Variants in CNTNAP2 observed in about 807,000 individuals in gnomAD.
CNTNAP2 encodes contactin-associated protein-like 2.
Under a neutral mutation model 155.2 loss-of-function variants are expected in CNTNAP2, and 98 were observed. The observed-to-expected ratio is 0.63, with a 90% CI of 0.54 to 0.75. The LOEUF (loss-of-function observed/expected upper bound fraction) is 0.75. CNTNAP2 is among the 30% of genes least tolerant of loss of function. The pLI is 0.00. For missense variants in CNTNAP2, 1,727 were observed against 1,688.1 expected (o/e 1.02, Z -0.40); for synonymous variants, 651 against 631.2 (o/e 1.03, Z -0.47).
intron 1 of CNTNAP2, among the ~76,000 whole-genome samples, chr7:146,750,055 T>C (rs1248490695): frequency 6.6e-6 from 1 of 152,138 alleles, no homozygotes; most frequent in Non-Finnish European, 1.5e-5. Context: ...GTGGTTATCC[T>C]CATAAATTAG....
rs112120379 is a variant in CNTNAP2 at position 147,242,673 on chromosome 7, T to C, written c.1349-57468T>C. ...CAAATATAAACTTTAAATTCTTCCA[T>C]TTATTATTTCTTCTTTGACTCGCAA... On this transcript the variant is annotated intron_variant, in intron 8 of 23. Transcript: ENST00000361727. 1.2e-4 allele frequency among the ~76,000 whole-genome samples: 19 copies of C among 152,272 alleles called. 1 individual carries two copies. Among genetic ancestry groups the C allele is most frequent in the African/African-American group, 4.3e-4 (18 of 41,562 alleles).
At chr7:146,144,696 T>C (rs2116763325) in intron 1 of CNTNAP2, among the ~76,000 whole-genome samples, 1 of 152,340 alleles carries the variant, frequency 6.6e-6, no homozygotes, top group Non-Finnish European at 1.5e-5. Context: ...TAATTTGGTA[T>C]AAAAGAAACA....
rs148754723 is a variant in CNTNAP2, at chr7:147,541,790, C to T, written c.1778-20348C>T. Among the ~76,000 whole-genome samples the T allele has an allele frequency of 3.8e-3, 579 of 152,146 alleles. 3 individuals carry two copies. Among genetic ancestry groups the T allele is most frequent in the African/African-American group, 0.013 (538 of 41,510 alleles). On this transcript the variant is annotated intron_variant, in intron 11 of 23. Transcript: ENST00000361727. ...ATGATTAAAATGAGTTTGATCTTTC[C>T]GTGTTCACTAAGGGAAAAGAAATGG...
At chr7:148,107,515 T>C (rs1804248725) in intron 15 of CNTNAP2, among the ~76,000 whole-genome samples, 1 of 152,198 alleles carries the variant, frequency 6.6e-6, no homozygotes, top group Non-Finnish European at 1.5e-5. Flanking sequence ...TATTAATAAC[T>C]TGCAGCCCTT....
chr7:147,173,597 C>T (rs1186506185), intron 8 of CNTNAP2, among the ~76,000 whole-genome samples: 1 of 152,160 alleles, frequency 6.6e-6, no homozygotes, highest in African/African-American at 2.4e-5. Context: ...TGTATTTCGT[C>T]TACTGACCCC....
intron 2 of CNTNAP2, among the ~76,000 whole-genome samples, chr7:146,834,315 A>T (rs569931970): frequency 6.6e-6 from 1 of 152,350 alleles, no homozygotes; most frequent in South Asian, 2.1e-4. Context: ...TTCTTCAATT[A>T]TTCAGATTCT....
rs35250478 is a variant in CNTNAP2 at position 146,728,611 on chromosome 7, CAAA to C, written c.98-45648_98-45646del. Among the ~76,000 whole-genome samples, 131 of 115,204 alleles carry C rather than the reference CAAA, an allele frequency of 1.1e-3. 2 individuals are homozygous for C. Among genetic ancestry groups the C allele is most frequent in the African/African-American group, 3.1e-3 (116 of 37,368 alleles). 75.6% of individuals were successfully genotyped at this position (115,204 alleles called of 152,430 possible). ...TTTAATATACACAATTTTTAGGCTG[CAAA>C]AAAAAAAAAAACGAAACAACAGCCT... On this transcript the variant is annotated intron_variant, in intron 1 of 23. Transcript: ENST00000361727.
At chr7:146,695,990 G>T (rs940449514) in intron 1 of CNTNAP2, among the ~76,000 whole-genome samples, 1 of 152,108 alleles carries the variant, frequency 6.6e-6, no homozygotes, top group Non-Finnish European at 1.5e-5. Context: ...AGAGATATTA[G>T]TAATTTTCAT....
At chr7:146,784,046 A>G (rs1042740925) in intron 2 of CNTNAP2, among the ~76,000 whole-genome samples, 3 of 152,208 alleles carry the variant, frequency 2.0e-5, no homozygotes, top group Admixed American at 6.5e-5. Context: ...TTCTTTGATA[A>G]TAAGTCTAGT....
At chr7:147,339,724 C>A (rs1304791120) in intron 9 of CNTNAP2, among the ~76,000 whole-genome samples, 1 of 152,032 alleles carries the variant, frequency 6.6e-6, no homozygotes, top group Non-Finnish European at 1.5e-5. Flanking sequence ...TAATAATAAT[C>A]ATTTAATGGG....
intron 12 of CNTNAP2, among the ~76,000 whole-genome samples, chr7:147,609,135 G>A (rs1584852277): frequency 6.6e-6 from 1 of 152,250 alleles, no homozygotes; most frequent in Non-Finnish European, 1.5e-5. Flanking sequence ...AGACTAATGG[G>A]CACTGTTCTG....
chr7:146,677,175 G>A (rs79452805), intron 1 of CNTNAP2, among the ~76,000 whole-genome samples: 1,632 of 152,294 alleles, frequency 0.011, 22 homozygotes, highest in African/African-American at 0.034. Flanking sequence ...CATGTTATAC[G>A]TGGAACTGGA....
chr7:147,565,067 AG>A (rs1297798628), intron 12 of CNTNAP2, among the ~76,000 whole-genome samples: 4 of 152,184 alleles, frequency 2.6e-5, no homozygotes, highest in African/African-American at 9.7e-5. Context: ...AAGAGGAGGG[AG>A]TAACAGCATG....
chr7:146,793,455 C>T (rs1321239720), intron 2 of CNTNAP2, among the ~76,000 whole-genome samples: 1 of 152,190 alleles, frequency 6.6e-6, no homozygotes, highest in African/African-American at 2.4e-5. Context: ...AGGGTGTAAT[C>T]ATATGCAGTG....
chr7:147,373,884 T>C (rs1048314613), intron 9 of CNTNAP2, among the ~76,000 whole-genome samples: 15 of 152,040 alleles, frequency 9.9e-5, no homozygotes, highest in African/African-American at 3.6e-4. Flanking sequence ...ACATTGGAGA[T>C]GGAATAAAAA....
At chr7:146,987,808 C>A (rs893376308) in intron 3 of CNTNAP2, among the ~76,000 whole-genome samples, 1 of 152,074 alleles carries the variant, frequency 6.6e-6, no homozygotes, top group Non-Finnish European at 1.5e-5. Flanking sequence ...TACTTAAACT[C>A]TTTCGGTCTC....
intron 1 of CNTNAP2, among the ~76,000 whole-genome samples, chr7:146,149,754 G>A (rs1206282510): frequency 6.6e-6 from 1 of 151,700 alleles, no homozygotes; most frequent in African/African-American, 2.4e-5. Context: ...AATTATAGAT[G>A]GCACATAGAC....
intron 10 of CNTNAP2, among the ~76,000 whole-genome samples, chr7:147,483,035 C>T (rs1453101547): frequency 6.6e-6 from 1 of 150,642 alleles, no homozygotes; most frequent in Non-Finnish European, 1.5e-5. Flanking sequence ...GACTCTGTCT[C>T]AAAAATAAAT....
At chr7:146,758,983 G>T (rs534955640) in intron 1 of CNTNAP2, among the ~76,000 whole-genome samples, 1 of 152,138 alleles carries the variant, frequency 6.6e-6, no homozygotes, top group South Asian at 2.1e-4. Context: ...ATGGCAAAAT[G>T]ATCCAATCAA....
Sources: allele counts gnomAD v4.1 joint callset (sites outside exome capture counted in the v4.1 genomes callset), GRCh38; gene constraint gnomAD v4.1.1; transcripts MANE v1.5; gene names NCBI Gene and HGNC (gene_info 2026-07-23, HGNC 2026-07-21).